CNTNAP5: variants seen among roughly 807,000 people sequenced by gnomAD.
CNTNAP5 encodes the protein contactin associated protein family member 5.
A neutral mutation model predicts 150.2 loss-of-function variants in CNTNAP5; 72 were observed. That is an observed-to-expected ratio of 0.48 (90% confidence interval 0.40 to 0.58). The LOEUF (loss-of-function observed/expected upper bound fraction) is 0.58. Among genes scored for constraint, CNTNAP5 ranks in the 20% least tolerant of loss-of-function variants. The pLI is 0.00. For missense variants in CNTNAP5, 1,636 were observed against 1,626.2 expected, an observed-to-expected ratio of 1.01 and a Z score of -0.10; for synonymous variants, 672 against 619.8, an observed-to-expected ratio of 1.08 and a Z score of -1.25.
intron 10 of CNTNAP5, among the ~76,000 whole-genome samples, chr2:124,528,053 A>G (rs1055583791): frequency 6.6e-6 from 1 of 152,192 alleles, no homozygotes; most frequent in African/African-American, 2.4e-5. Context: ...ACACTGCAGA[A>G]AACCAAAGAG....
rs757899515 is a variant in CNTNAP5, at chr2:124,417,596, T to C, written c.529+6T>C. 3 of 1,611,604 alleles carry C rather than the reference T, an allele frequency of 1.9e-6. No individual in the cohort carries two copies. Among genetic ancestry groups the C allele is most frequent in the African/African-American group, 1.3e-5 (1 of 75,032 alleles). On this transcript the variant is annotated splice_donor_region_variant and intron_variant, in intron 4 of 23. Coordinates refer to ENST00000682447, the MANE Select transcript of CNTNAP5 (RefSeq NM_001367498.1). The stretch of plus-strand genomic sequence containing the variant: ...GGTCTACGGATGTTCCTATAGTAAG[T>C]ACTCACATGTACCCTTTACCATTGC...
In CNTNAP5 at chr2:124,137,438, A is replaced by C. The variant is rs537298019; in HGVS notation, c.83-84267A>C. 8.5e-5 allele frequency among the ~76,000 whole-genome samples: 13 copies of C among 152,264 alleles called. No individual in the cohort carries two copies. In the East Asian group the frequency reaches 2.5e-3, roughly 29 times the overall value. On this transcript the variant is annotated intron_variant, in intron 1 of 23. Coordinates refer to ENST00000682447, the MANE Select transcript of CNTNAP5 (RefSeq NM_001367498.1). The stretch of plus-strand genomic sequence containing the variant: ...ACTTGGTGTAGAGAAAACTTCAGTG[A>C]AGTCTTTTGACTTTGAATTCTAAAA...
At chr2:124,280,230 C>T (rs188792831) in intron 3 of CNTNAP5, among the ~76,000 whole-genome samples, 6 of 151,958 alleles carry the variant, frequency 3.9e-5, no homozygotes, top group East Asian at 1.9e-4. Context: ...TGCAGTAGCA[C>T]GATCTCAGCT....
chr2:124,467,109 C>T (rs1277052026), intron 6 of CNTNAP5, among the ~76,000 whole-genome samples: 3 of 152,126 alleles, frequency 2.0e-5, no homozygotes, highest in Non-Finnish European at 4.4e-5. Flanking sequence ...CACATACTAA[C>T]CCCATGTGTA....
intron 19 of CNTNAP5, among the ~76,000 whole-genome samples, chr2:124,831,048 A>G (rs1244929216): frequency 2.6e-5 from 4 of 152,032 alleles, no homozygotes; most frequent in Non-Finnish European, 5.9e-5. Context: ...TTTCTAACAT[A>G]ACTGACAAAA....
At chr2:124,785,510 G>A (rs946670907) in intron 17 of CNTNAP5, among the ~76,000 whole-genome samples, 9 of 152,210 alleles carry the variant, frequency 5.9e-5, no homozygotes, top group East Asian at 3.8e-4. Flanking sequence ...GCATGTCTGC[G>A]ACTACAGGGG....
At chr2:124,417,112 G>A (rs1196433697) in intron 3 of CNTNAP5, among the ~76,000 whole-genome samples, 1 of 151,388 alleles carries the variant, frequency 6.6e-6, no homozygotes, top group Non-Finnish European at 1.5e-5. Context: ...TAATTTTTTT[G>A]TATTTTTAGT....
At chr2:124,116,411 A>G (rs1198093143) in intron 1 of CNTNAP5, among the ~76,000 whole-genome samples, 1 of 152,234 alleles carries the variant, frequency 6.6e-6, no homozygotes, top group South Asian at 2.1e-4. Flanking sequence ...ATTCACACAA[A>G]GGAATCAAAG....
chr2:124,404,559 A>G (rs914453653), intron 3 of CNTNAP5, among the ~76,000 whole-genome samples: 1 of 152,218 alleles, frequency 6.6e-6, no homozygotes, highest in Non-Finnish European at 1.5e-5. Flanking sequence ...TCTTCCATTC[A>G]TTAACCAAAC....
chr2:124,875,700 T>G (rs1441401234), intron 21 of CNTNAP5, among the ~76,000 whole-genome samples: 4 of 18,562 alleles, frequency 2.2e-4, no homozygotes, highest in East Asian at 6.5e-3. Flanking sequence ...CCATGAGGGT[T>G]TTTTTTTTTT....
intron 1 of CNTNAP5, among the ~76,000 whole-genome samples, chr2:124,204,016 T>C (rs1055284612): frequency 6.6e-6 from 1 of 152,228 alleles, no homozygotes; most frequent in Non-Finnish European, 1.5e-5. Flanking sequence ...GCAGGAAATT[T>C]TCTGAGCTTT....
intron 1 of CNTNAP5, among the ~76,000 whole-genome samples, chr2:124,066,030 C>G (rs913879150): frequency 1.3e-5 from 2 of 152,122 alleles, no homozygotes; most frequent in Non-Finnish European, 2.9e-5. Context: ...GAGCAGCCAG[C>G]ACAACAATCC....
intron 5 of CNTNAP5, among the ~76,000 whole-genome samples, chr2:124,440,172 T>G (rs1443835981): frequency 3.3e-5 from 5 of 152,158 alleles, no homozygotes; most frequent in African/African-American, 1.2e-4. Flanking sequence ...GTGAAGTGTT[T>G]AACTTGTGTG....
At chr2:124,561,801 T>A (rs952971238) in intron 10 of CNTNAP5, among the ~76,000 whole-genome samples, 24 of 152,194 alleles carry the variant, frequency 1.6e-4, no homozygotes, top group African/African-American at 4.8e-4. Flanking sequence ...TATAGGGCAG[T>A]CAGAGTAAAT....
At chr2:124,461,422 C>T (rs1433091615) in intron 6 of CNTNAP5, among the ~76,000 whole-genome samples, 2 of 148,448 alleles carry the variant, frequency 1.3e-5, no homozygotes, top group East Asian at 4.0e-4. Context: ...TAAACTATCG[C>T]AAGAACAAAA....
intron 3 of CNTNAP5, among the ~76,000 whole-genome samples, chr2:124,320,545 A>G (rs998410796): frequency 1.5e-4 from 23 of 152,260 alleles, no homozygotes; most frequent in Middle Eastern, 3.4e-3. Flanking sequence ...GCTCAGACTC[A>G]CCTGACCTCA....
intron 11 of CNTNAP5, among the ~76,000 whole-genome samples, chr2:124,605,818 AAAAAAAAAAAAAAAAG>A (rs1697093149): frequency 1.3e-5 from 2 of 148,258 alleles, no homozygotes; most frequent in African/African-American, 5.0e-5. Flanking sequence ...TCAAAAAAAA[AAAAAAAAAAAAAAAAG>A]AAGGAAAGAA....
At chr2:124,523,914 T>A in intron 8 of CNTNAP5, among the ~76,000 whole-genome samples, 1 of 151,986 alleles carries the variant, frequency 6.6e-6, no homozygotes, top group East Asian at 1.9e-4. Context: ...CTCTTAACTC[T>A]ACCACTCAGT....
At position 124,560,206 on chromosome 2, in the gene CNTNAP5, T is replaced by C. The variant is rs571201286; in HGVS notation, c.1650-3011T>C. Among the ~76,000 whole-genome samples the C allele has an allele frequency of 5.3e-5, 8 of 152,274 alleles. No homozygotes were observed. The East Asian group carries it at 1.5e-3, about 29-fold the overall frequency. On this transcript the variant is annotated intron_variant, in intron 10 of 23. Transcript: ENST00000682447. ...GAAGTAGATTTTGTAATCTTTTGTT[T>C]TAAAAACATTTAAAGTGGGGCAGGT... is the stretch of plus-strand genomic sequence containing the variant.
Sources: gnomAD v4.1 joint callset for allele counts (sites outside exome capture counted in the v4.1 genomes callset) on GRCh38, gnomAD v4.1.1 for gene constraint, MANE v1.5 for transcripts, NCBI Gene and HGNC (gene_info 2026-07-23, HGNC 2026-07-21) for gene names.